CSMD3: variants seen among roughly 807,000 people sequenced by gnomAD.
The protein encoded by CSMD3 is CUB and sushi domain-containing protein 3.
Under a neutral mutation model 435.2 loss-of-function variants are expected in CSMD3, and 177 were observed. The observed-to-expected ratio is 0.41, with a 90% CI of 0.36 to 0.46. The LOEUF is 0.46. CSMD3 is among the 20% of genes least tolerant of loss of function. The pLI is 0.34. For synonymous variants in CSMD3, 1,656 were observed against 1,520.5 expected (o/e 1.09, Z -2.07); for missense variants, 4,265 against 4,504.6 (o/e 0.95, Z 1.52).
rs1823739910 is a variant in CSMD3, at chr8:112,517,015, A to T, written c.4756+19T>A. On this transcript the variant is annotated intron_variant, in intron 28 of 70. Transcript: ENST00000297405. ...TGTTTTATGTTTATATAAAATTTTA[A>T]TTGTTCTTTAATTCATACCTATACA... 1 of 1,590,078 alleles carries T rather than the reference A, an allele frequency of 6.3e-7. No homozygotes were observed. Among genetic ancestry groups the T allele is most frequent in the Non-Finnish European group, 8.6e-7 (1 of 1,159,618 alleles).
At chr8:112,993,899 T>A (rs1418156060) in intron 6 of CSMD3, among the ~76,000 whole-genome samples, 1 of 151,726 alleles carries the variant, frequency 6.6e-6, no homozygotes, top group Non-Finnish European at 1.5e-5. Context: ...TAGGAGTTAT[T>A]CACATAGATT....
At chr8:112,539,381 C>A (rs1475903069) in intron 27 of CSMD3, 1 of 151,850 alleles carries the variant, frequency 6.6e-6, no homozygotes, top group Non-Finnish European at 1.5e-5. Context: ...AAAAAAAGTA[C>A]CAATGCCACT....
rs369444391 is a variant in CSMD3 at position 112,472,573 on chromosome 8, G to A, written c.5395+18C>T. The A allele has an allele frequency of 8.9e-6, 11 of 1,238,400 alleles. No homozygotes were observed. The highest frequency in any genetic ancestry group is 1.3e-5 in the Non-Finnish European group (11 of 837,344). The allele number at this position is 1,238,400 out of a possible 1,614,324, so 76.7% of individuals were successfully genotyped here. A position where few individuals can be genotyped will look rare whatever the true frequency, so the allele number is the denominator to read the frequency against. ...ATGTCTGGATGAAATACTACATAATGAGTCGAATCTTACTTACCAAACTCC... is the reference window on the plus strand; with the variant it reads ...ATGTCTGGATGAAATACTACATAATAAGTCGAATCTTACTTACCAAACTCC... On this transcript the variant is annotated intron_variant, in intron 32 of 70. Transcript: ENST00000297405.
chr8:112,302,210 T>TCC (rs1563761143), intron 52 of CSMD3, among the ~76,000 whole-genome samples: 6 of 139,086 alleles, frequency 4.3e-5, no homozygotes, highest in Non-Finnish European at 7.8e-5. Context: ...TTCTTTTTTT[T>TCC]TCATTTTTTT....
intron 27 of CSMD3, among the ~76,000 whole-genome samples, chr8:112,522,198 A>C (rs1453801851): frequency 1.3e-5 from 2 of 151,936 alleles, no homozygotes; most frequent in East Asian, 1.9e-4. Flanking sequence ...CCATGGCTAA[A>C]ATTCTCATTA....
intron 32 of CSMD3, among the ~76,000 whole-genome samples, chr8:112,456,887 C>T (rs569922531): frequency 6.0e-4 from 91 of 151,876 alleles, no homozygotes; most frequent in Middle Eastern, 3.4e-3. Context: ...TGCAAAGAAA[C>T]CCAAAAGAGC....
At chr8:113,370,596 C>G (rs1172751158) in intron 1 of CSMD3, among the ~76,000 whole-genome samples, 1 of 151,806 alleles carries the variant, frequency 6.6e-6, no homozygotes, top group Non-Finnish European at 1.5e-5. Context: ...TCCCCTGCAC[C>G]CACTCTAGGT....
At chr8:113,244,991 T>C (rs2093260818) in intron 3 of CSMD3, among the ~76,000 whole-genome samples, 1 of 152,202 alleles carries the variant, frequency 6.6e-6, no homozygotes. Context: ...GTTAGGTACA[T>C]GCATGTTTAC....
At chr8:113,306,155 CTAT>C (rs1184485391) in intron 2 of CSMD3, among the ~76,000 whole-genome samples, 1 of 151,970 alleles carries the variant, frequency 6.6e-6, no homozygotes, top group East Asian at 1.9e-4. Flanking sequence ...TAAATAATAA[CTAT>C]TATTATAGTT....
rs139200040 is a variant in CSMD3 at position 112,500,786 on chromosome 8, G to T, written c.5083+3004C>A. On this transcript the variant is annotated intron_variant, in intron 30 of 70. Transcript: ENST00000297405. ...CCCACAGTTGTGCCCATAGGAAAAG[G>T]CTACCTGGGACTAGGCATGTCCAAA... Among the ~76,000 whole-genome samples, 384 of 152,264 alleles carry T rather than the reference G, an allele frequency of 2.5e-3. 3 individuals carry two copies. Among genetic ancestry groups the T allele is most frequent in the African/African-American group, 8.6e-3 (356 of 41,548 alleles).
intron 22 of CSMD3, among the ~76,000 whole-genome samples, chr8:112,607,983 A>C (rs1586795719): frequency 6.6e-6 from 1 of 152,130 alleles, no homozygotes; most frequent in African/African-American, 2.4e-5. Context: ...AGAAACCAAA[A>C]CCATCCGAAA....
chr8:113,261,974 AT>A (rs1281454872), intron 3 of CSMD3, among the ~76,000 whole-genome samples: 1 of 152,026 alleles, frequency 6.6e-6, no homozygotes, highest in Non-Finnish European at 1.5e-5. Flanking sequence ...TCCACTTCAC[AT>A]TTTGAAGAAT....
Position 112,406,559 on chromosome 8 carries a change from A to G in CSMD3, c.5774T>C (p.Leu1925Ser). 1.2e-6 allele frequency: 2 copies of G among 1,611,858 alleles called. No homozygotes were observed. The highest frequency in any genetic ancestry group is 4.5e-5 in the East Asian group (2 of 44,780). Residue 1925 changes from leucine to serine, a missense_variant, in exon 35 of 71, where the codon TTG becomes TCG. Physicochemically the swap from Leu to Ser is moderately radical, Grantham distance 145. Transcript: ENST00000297405. ...AGGTAAGGAATCATTCCACTGGGCC[A>G]AAGAATTGGGCACTGTTTCACACCT... ...AIRCETVPNS[L>S]AQWNDSLPTC...
chr8:113,334,891 G>T (rs2094059402), intron 1 of CSMD3, among the ~76,000 whole-genome samples: 1 of 152,020 alleles, frequency 6.6e-6, no homozygotes, highest in South Asian at 2.1e-4. Context: ...TTTAAAGTCT[G>T]TAGGAACTGT....
At chr8:112,630,852 G>C (rs2074493873) in intron 22 of CSMD3, among the ~76,000 whole-genome samples, 1 of 151,836 alleles carries the variant, frequency 6.6e-6, no homozygotes, top group Non-Finnish European at 1.5e-5. Context: ...CATCCATATG[G>C]AGAGGTCCAG....
intron 12 of CSMD3, among the ~76,000 whole-genome samples, chr8:112,826,015 T>C (rs941090238): frequency 6.6e-6 from 1 of 152,208 alleles, no homozygotes; most frequent in Admixed American, 6.5e-5. Context: ...ATCAGAGTTC[T>C]GTCCCTGAGC....
rs2087262882 is a variant in CSMD3 at position 113,034,675 on chromosome 8, G to A, written c.918-15496C>T. 2.0e-5 allele frequency among the ~76,000 whole-genome samples: 3 copies of A among 152,032 alleles called. No homozygotes were observed. The South Asian group carries it at 6.2e-4, about 32-fold the overall frequency. On this transcript the variant is annotated intron_variant, in intron 5 of 70. Transcript: ENST00000297405. ...TGACTTACACTATAAATGGGCTAAT[G>A]TCAACATATGTAAATTATATCTCAG...
intron 40 of CSMD3, among the ~76,000 whole-genome samples, chr8:112,346,614 A>G (rs1241691252): frequency 2.0e-5 from 3 of 150,764 alleles, no homozygotes; most frequent in African/African-American, 7.3e-5. Context: ...CAACCACTTC[A>G]GCTCTAAGTA....
chr8:112,320,710 G>A (rs1822917418), intron 45 of CSMD3, among the ~76,000 whole-genome samples: 1 of 143,050 alleles, frequency 7.0e-6, no homozygotes, highest in South Asian at 2.2e-4. Flanking sequence ...TGTTCTCATT[G>A]TTCAATTCCC....
Sources: allele counts gnomAD v4.1 joint callset (sites outside exome capture counted in the v4.1 genomes callset), GRCh38; gene constraint gnomAD v4.1.1; transcripts MANE v1.5; gene names NCBI Gene and HGNC (gene_info 2026-07-23, HGNC 2026-07-21).